The following TMEM69 variants were observed in gnomAD, a reference collection of about 807,000 sequenced individuals.
TMEM69 encodes the protein transmembrane protein 69.
In TMEM69, 17 loss-of-function variants were observed where a neutral mutation model predicts 15.8. That is an observed-to-expected ratio of 1.07 (90% CI 0.73 to 1.61). The LOEUF is 1.61. TMEM69 is among the 40% of genes most tolerant of loss of function. The pLI, the probability that TMEM69 is intolerant of heterozygous loss-of-function variation, is 0.00. For synonymous variants in TMEM69, 80 were observed against 98.6 expected, an observed-to-expected ratio of 0.81 and a Z score of 1.12; for missense variants, 230 against 286.1, an observed-to-expected ratio of 0.80 and a Z score of 1.41.
chr1:45,693,897 C>A lies in TMEM69; in HGVS notation c.736C>A (p.Gln246Lys). 1.9e-6 allele frequency: 3 copies of A among 1,587,012 alleles called. No individual in the cohort carries two copies. The South Asian group carries it at 3.4e-5, about 18-fold the overall frequency. ...FPEKGHKRPG[Q>K]V The stretch of plus-strand genomic sequence containing the variant: ...AGAAAAAGGACATAAGAGACCTGGT[C>A]AAGTATAAAAAATATAAAAGTCTGG... The change falls in exon 3 of 3, where the codon CAA (glutamine) becomes AAA (lysine). Residue 246 changes from glutamine to lysine, a missense_variant. Transcript: ENST00000372025.
In TMEM69 at chr1:45,693,251, T is replaced by C; in HGVS notation, c.90T>C (p.Asp30=). Residue 30 remains aspartate (D), a synonymous_variant, in exon 3 of 3, where the codon GAT becomes GAC. Transcript: ENST00000372025. ...TGGGACTAAGAACCAGCAGAACAGA[T>C]ATACTTTCTCTCAAGATGTCTCTCC... ...FPVGLRTSRT[D]ILSLKMSLQQ... is the part of the protein sequence containing the mutation. 1 of 1,614,182 alleles carries C rather than the reference T, an allele frequency of 6.2e-7. No individual in the cohort carries two copies.
chr1:45,688,377 T>C (rs1569918199), intron 1 of TMEM69, 102 bp downstream of exon 1: 1 of 152,246 alleles, frequency 6.6e-6, no homozygotes, highest in African/African-American at 2.4e-5. Flanking sequence ...GCGGGCACTC[T>C]CGGGCAGGGT....
At chr1:45,691,878 T>TAATTACAGGATTA (rs373495691) in intron 2 of TMEM69, among the ~76,000 whole-genome samples, 1 of 150,722 alleles carries the variant, frequency 6.6e-6, no homozygotes, top group Admixed American at 6.6e-5. Flanking sequence ...CCAGGCACGG[T>TAATTACAGGATTA]CACTCACTCC....
chr1:45,689,986 C>T (rs977587160), intron 1 of TMEM69, among the ~76,000 whole-genome samples: 4 of 151,848 alleles, frequency 2.6e-5, no homozygotes, highest in African/African-American at 9.7e-5. Context: ...CAGAGCGAGA[C>T]CCTGTATCCA....
At chr1:45,693,161 T>A (rs74072078) in intron 2 of TMEM69, 43 bp from the exon 3 acceptor site, 1 of 1,382,338 alleles carries the variant, frequency 7.2e-7, no homozygotes, top group South Asian at 1.4e-5. Flanking sequence ...ATGATACATA[T>A]ATATATTTTT....
rs1645363689 is a variant in TMEM69, at chr1:45,693,902, AT to A, written c.742del (p.Ter248LysfsTer22). ...EKGHKRPGQV[*>X] Reference sequence around the variant, plus strand: ...AAGGACATAAGAGACCTGGTCAAGTATAAAAAATATAAAAGTCTGGGAAGTG... The same window carrying A: ...AAGGACATAAGAGACCTGGTCAAGTAAAAAAATATAAAAGTCTGGGAAGTG... On this transcript the variant is annotated frameshift_variant and stop_lost, in exon 3 of 3. Coordinates refer to ENST00000372025, the MANE Select transcript of TMEM69 (RefSeq NM_016486.4). LOFTEE classifies it high-confidence loss of function. The A allele has an allele frequency of 6.3e-7, 1 of 1,575,802 alleles. No individual in the cohort carries two copies. The highest frequency in any genetic ancestry group is 1.8e-5 in the Admixed American group (1 of 54,890).
At chr1:45,690,393 T>C (rs749019524) in intron 1 of TMEM69, among the ~76,000 whole-genome samples, 1 of 152,070 alleles carries the variant, frequency 6.6e-6, no homozygotes, top group African/African-American at 2.4e-5. Context: ...TCCCAGCTAC[T>C]TGGGAGGCTG....
rs145384782 is a variant in TMEM69 at position 45,694,141 on chromosome 1, A to AAT, written c.*248_*249dup. 3.6e-3 allele frequency: 1,060 copies of AAT among 293,664 alleles called. 9 individuals carry two copies. Among genetic ancestry groups the AAT allele is most frequent in the African/African-American group, 0.025 (787 of 31,084 alleles). 18.2% of individuals were successfully genotyped at this position (293,664 alleles called of 1,614,324 possible). A position where few individuals can be genotyped will look rare whatever the true frequency, so the allele number is the denominator to read the frequency against. On this transcript the variant is annotated 3_prime_UTR_variant, in exon 3 of 3. Coordinates refer to ENST00000372025, the MANE Select transcript of TMEM69 (RefSeq NM_016486.4). Reference sequence around the variant, plus strand: ...TTACTTTTTAGTTAAAAGTTTTAAAAATATATATATATAAATACACTGTAG... The same window carrying AAT: ...TTACTTTTTAGTTAAAAGTTTTAAAAATATATATATATATAAATACACTGTAG...
chr1:45,693,017 CA>C (rs1645354817), intron 2 of TMEM69, among the ~76,000 whole-genome samples, 186 bp from the exon 3 acceptor site: 1 of 152,060 alleles, frequency 6.6e-6, no homozygotes, highest in Non-Finnish European at 1.5e-5. Flanking sequence ...ATACTCTTAC[CA>C]GCAATAATAT....
chr1:45,689,289 T>C (rs1039891437), intron 1 of TMEM69, among the ~76,000 whole-genome samples: 3 of 152,170 alleles, frequency 2.0e-5, no homozygotes, highest in African/African-American at 7.2e-5. Flanking sequence ...AATTGTCAGA[T>C]CTAGATCCAT....
rs2148540849 is a variant in TMEM69 at position 45,693,632 on chromosome 1, A to AGACT, written c.472_475dup (p.Tyr159Ter). The AGACT allele has an allele frequency of 6.2e-7, 1 of 1,614,238 alleles. No homozygotes were observed. The highest frequency in any genetic ancestry group is 2.2e-5 in the East Asian group (1 of 44,894). On this transcript the variant is annotated frameshift_variant, in exon 3 of 3. Coordinates refer to ENST00000372025, the MANE Select transcript of TMEM69 (RefSeq NM_016486.4). LOFTEE classifies it high-confidence loss of function. ...TACCAGAAGGTAGTCCAGCCAAACC[A>AGACT]GACTACCTTAATTTAGCTAGCAGTG... is the stretch of plus-strand genomic sequence containing the variant.
In TMEM69 at chr1:45,693,381, C is replaced by T; in HGVS notation, c.220C>T (p.Gln74Ter). The T allele has an allele frequency of 6.2e-7, 1 of 1,614,162 alleles. No individual in the cohort carries two copies. Among genetic ancestry groups the T allele is most frequent in the Non-Finnish European group, 8.5e-7 (1 of 1,180,038 alleles). ...YHTSPCSFKK[Q>*]QKQALLARPS... ...TACATCCCCCTGCAGCTTTAAAAAG[C>T]AGCAGAAGCAAGCACTTCTAGCCAG... The change falls in exon 3 of 3, where the codon CAG becomes TAG. Residue 74 changes from glutamine (Q) to a stop codon, truncating the protein, a stop_gained. Coordinates refer to ENST00000372025, the MANE Select transcript of TMEM69 (RefSeq NM_016486.4). LOFTEE classifies it high-confidence loss of function.
At position 45,694,031 on chromosome 1, in the gene TMEM69, G is replaced by A. The variant is rs968006665; in HGVS notation, c.*126G>A. 1.8e-5 allele frequency: 11 copies of A among 606,626 alleles called. No homozygotes were observed. Among genetic ancestry groups the A allele is most frequent in the Non-Finnish European group, 2.2e-5 (8 of 358,740 alleles). The allele number at this position is 606,626 out of a possible 1,614,324, so 37.6% of individuals were successfully genotyped here. A position where few individuals can be genotyped will look rare whatever the true frequency, so the allele number is the denominator to read the frequency against. On this transcript the variant is annotated 3_prime_UTR_variant, in exon 3 of 3. Coordinates refer to ENST00000372025, the MANE Select transcript of TMEM69 (RefSeq NM_016486.4). ...GTGTGACAAGCGCCTCTGCCCGGCC[G>A]CTGTGCAACCTTCCACGTGTGAAGT...
At position 45,693,834 on chromosome 1, in the gene TMEM69, T is replaced by C. The variant is rs1557732692; in HGVS notation, c.673T>C (p.Ser225Pro). 2 of 1,613,928 alleles carry C rather than the reference T, an allele frequency of 1.2e-6. No individual in the cohort carries two copies. Among genetic ancestry groups the C allele is most frequent in the Non-Finnish European group, 8.5e-7 (1 of 1,179,988 alleles). The change falls in exon 3 of 3, where the codon TCA becomes CCA. Residue 225 changes from serine (S) to proline (P), a missense_variant. Ser to Pro is a moderately conservative substitution (Grantham distance 74). Coordinates refer to ENST00000372025, the MANE Select transcript of TMEM69 (RefSeq NM_016486.4). ...AGTAGTCACTTTATTGGCCACTTTT[T>C]CATTTATAATCACTTTAGTAGTTAA... ...RIVVTLLATF[S>P]FIITLVVKSS...
At chr1:45,690,927 A>T (rs2148539694) in intron 1 of TMEM69, 47 bp from the exon 2 acceptor site, 2 of 776,148 alleles carry the variant, frequency 2.6e-6, no homozygotes, top group Non-Finnish European at 4.4e-6. Flanking sequence ...TTTAAAAATT[A>T]ATGTATAAAA....
chr1:45,694,185 C>G lies in TMEM69; in HGVS notation c.*280C>G, dbSNP rs1645366496. ...ACTGTAGATAACATTTGTATGCCAG[C>G]TACACCTTTTTCTACTTCTGTTTGG... On this transcript the variant is annotated 3_prime_UTR_variant, in exon 3 of 3. Transcript: ENST00000372025. 1 of 486,566 alleles carries G rather than the reference C, an allele frequency of 2.1e-6. No homozygotes were observed. 30.1% of individuals were successfully genotyped at this position (486,566 alleles called of 1,614,324 possible).
intron 2 of TMEM69, among the ~76,000 whole-genome samples, chr1:45,692,328 A>T (rs1223171216): frequency 3.9e-5 from 6 of 152,100 alleles, no homozygotes; most frequent in Non-Finnish European, 8.8e-5. Flanking sequence ...CCAAGATGGA[A>T]CCATTCCTAG....
rs761451942 is a variant in TMEM69, at chr1:45,691,094, C to T, written c.26C>T (p.Ser9Phe). The T allele has an allele frequency of 2.1e-5, 34 of 1,614,088 alleles. No individual in the cohort carries two copies. The highest frequency in any genetic ancestry group is 1.6e-4 in the Middle Eastern group (1 of 6,082). The stretch of plus-strand genomic sequence containing the variant: ...ATGCTTCGCTTCATCCAGAAGTTTT[C>T]TCAAGCATCTTCAAAGGTTGGTTTG... MLRFIQKFSQASSKILKYS... is the reference protein window; with the variant it reads MLRFIQKFFQASSKILKYS... Residue 9 changes from serine (S) to phenylalanine (F), a missense_variant, in exon 2 of 3, where the codon TCT (serine) becomes TTT (phenylalanine). Transcript: ENST00000372025.
intron 1 of TMEM69, among the ~76,000 whole-genome samples, 178 bp from the exon 2 acceptor site, chr1:45,690,796 G>T (rs1276499106): frequency 1.3e-5 from 2 of 152,154 alleles, no homozygotes; most frequent in Non-Finnish European, 2.9e-5. Flanking sequence ...ACACTAGACA[G>T]CCAAAGCTAA....
Sources: gnomAD v4.1 joint callset for allele counts (sites outside exome capture counted in the v4.1 genomes callset) on GRCh38, gnomAD v4.1.1 for gene constraint, MANE v1.5 for transcripts, NCBI Gene and HGNC (gene_info 2026-07-23, HGNC 2026-07-21) for gene names.